Variants in SCP2 observed in about 807,000 individuals in gnomAD.
SCP2 encodes the protein SCP-2/3-oxoacyl-CoA thiolase.
A neutral mutation model predicts 71.4 loss-of-function variants in SCP2; 48 were observed. The ratio of observed to expected loss-of-function variants is 0.67; its 90% confidence interval spans 0.53 to 0.86. The LOEUF (loss-of-function observed/expected upper bound fraction) is 0.86. Ranked by LOEUF, SCP2 falls within the 40% of genes least tolerant of loss-of-function variation. SCP2 has a pLI of 0.00. For missense variants in SCP2, 560 were observed against 655.6 expected (o/e 0.85, Z 1.59); for synonymous variants, 220 against 218.1 (o/e 1.01, Z -0.08).
chr1:53,020,435 A>G (rs1661638940), intron 12 of SCP2, among the ~76,000 whole-genome samples: 1 of 152,046 alleles, frequency 6.6e-6, no homozygotes. Flanking sequence ...GTCACTGGTT[A>G]AAGGTCAAAA....
intron 13 of SCP2, among the ~76,000 whole-genome samples, chr1:53,029,671 G>C (rs1662386571): frequency 6.6e-6 from 1 of 152,150 alleles, no homozygotes; most frequent in Non-Finnish European, 1.5e-5. Context: ...TGGGAATACA[G>C]GTGATATAAC....
intron 12 of SCP2, among the ~76,000 whole-genome samples, chr1:53,026,310 T>C (rs1662127707): frequency 6.6e-6 from 1 of 152,218 alleles, no homozygotes; most frequent in South Asian, 2.1e-4. Flanking sequence ...TTTAGAAATG[T>C]AAATGTATAG....
At chr1:52,963,970 T>C (rs1399734077) in intron 6 of SCP2, among the ~76,000 whole-genome samples, 1 of 152,190 alleles carries the variant, frequency 6.6e-6, no homozygotes, top group Non-Finnish European at 1.5e-5. Flanking sequence ...TTGTTAGCAT[T>C]TATTATAGGT....
intron 3 of SCP2, among the ~76,000 whole-genome samples, chr1:52,949,537 C>T (rs932781723): frequency 2.0e-5 from 3 of 152,190 alleles, no homozygotes; most frequent in African/African-American, 7.2e-5. Context: ...TAACCTGATG[C>T]GTCCACCCTA....
At chr1:52,992,859 A>G (rs1216241594) in intron 11 of SCP2, among the ~76,000 whole-genome samples, 1 of 152,192 alleles carries the variant, frequency 6.6e-6, no homozygotes, top group African/African-American at 2.4e-5. Flanking sequence ...AAATTATTTC[A>G]CAACCTGTAG....
At chr1:53,040,806 A>G (rs905771783) in intron 14 of SCP2, among the ~76,000 whole-genome samples, 1 of 152,094 alleles carries the variant, frequency 6.6e-6, no homozygotes, top group Non-Finnish European at 1.5e-5. Flanking sequence ...TTACCATCTC[A>G]TATACCATGT....
chr1:52,965,782 G>A (rs1470252122), intron 6 of SCP2, among the ~76,000 whole-genome samples: 6 of 151,130 alleles, frequency 4.0e-5, no homozygotes, highest in Non-Finnish European at 7.4e-5. Flanking sequence ...TTACAGGTGC[G>A]CATCACCAAG....
At chr1:52,951,141 G>A (rs1322174590) in intron 4 of SCP2, among the ~76,000 whole-genome samples, 1 of 152,030 alleles carries the variant, frequency 6.6e-6, no homozygotes, top group Non-Finnish European at 1.5e-5. Flanking sequence ...AATTAGCCGG[G>A]TATGGTGGCG....
At chr1:53,034,751 T>C (rs944300420) in intron 13 of SCP2, among the ~76,000 whole-genome samples, 9 of 152,166 alleles carry the variant, frequency 5.9e-5, no homozygotes, top group Admixed American at 1.3e-4. Context: ...ATTATTTGAG[T>C]ATTTCAGGTA....
intron 14 of SCP2, among the ~76,000 whole-genome samples, chr1:53,042,338 TG>T (rs879830527): frequency 6.7e-6 from 1 of 149,594 alleles, no homozygotes; most frequent in African/African-American, 2.6e-5. Flanking sequence ...ATATTAAGGT[TG>T]TTTTTTTTTT....
At chr1:52,970,276 T>A (rs1467006913) in intron 6 of SCP2, among the ~76,000 whole-genome samples, 1 of 152,068 alleles carries the variant, frequency 6.6e-6, no homozygotes, top group African/African-American at 2.4e-5. Flanking sequence ...TAGAATGGGG[T>A]CTTGCAATAC....
At chr1:52,994,846 G>A (rs529227672) in intron 11 of SCP2, 37 of 508,422 alleles carry the variant, frequency 7.3e-5, no homozygotes, top group African/African-American at 7.0e-4. Context: ...TGGGGACAGC[G>A]ACCTGCAGCT....
intron 5 of SCP2, among the ~76,000 whole-genome samples, chr1:52,955,299 T>TTTTGCAGCTACTTTTGCC (rs1655694073): frequency 6.6e-6 from 1 of 152,202 alleles, no homozygotes. Context: ...CTTGAAGATC[T>TTTTGCAGCTACTTTTGCC]TTGCTGATCA....
chr1:52,946,959 G>A (rs927837711), intron 2 of SCP2, among the ~76,000 whole-genome samples: 119 of 151,276 alleles, frequency 7.9e-4, no homozygotes, highest in African/African-American at 2.6e-3. Flanking sequence ...TACTTGGGAG[G>A]CTGAGGCAGG....
intron 10 of SCP2, among the ~76,000 whole-genome samples, chr1:52,983,896 C>T (rs142731647): frequency 3.1e-4 from 47 of 152,248 alleles, no homozygotes; most frequent in Admixed American, 3.9e-4. Flanking sequence ...GGGTGAATGT[C>T]CTATTATATA....
chr1:53,017,489 C>A (rs1176388607), intron 12 of SCP2, among the ~76,000 whole-genome samples: 3 of 152,198 alleles, frequency 2.0e-5, no homozygotes, highest in African/African-American at 7.2e-5. Flanking sequence ...CTTAGTATTA[C>A]ACATTTTAAA....
intron 1 of SCP2, among the ~76,000 whole-genome samples, chr1:52,929,686 G>A (rs980557566): frequency 1.3e-5 from 2 of 152,208 alleles, no homozygotes; most frequent in East Asian, 1.9e-4. Flanking sequence ...GCAGTGGCGC[G>A]ATCTTGGCTC....
chr1:53,035,133 A>T lies in SCP2; in HGVS notation c.1339-3784A>T, dbSNP rs567350977. On this transcript the variant is annotated intron_variant, in intron 13 of 15. Coordinates refer to ENST00000371514, the MANE Select transcript of SCP2 (RefSeq NM_002979.5). ...AGAAAAAAAAAAAAATTAATATGAT[A>T]CCAAAAGGAAGAATTTTGTGTATAA... Among the ~76,000 whole-genome samples, 3 of 152,108 alleles carry T rather than the reference A, an allele frequency of 2.0e-5. No individual in the cohort carries two copies. The South Asian group carries it at 6.2e-4, about 32-fold the overall frequency.
chr1:52,963,880 A>G (rs958731379), intron 6 of SCP2, among the ~76,000 whole-genome samples: 12 of 152,176 alleles, frequency 7.9e-5, no homozygotes, highest in African/African-American at 2.9e-4. Flanking sequence ...TTAATTTTAA[A>G]TAATAAAAAG....
Sources: allele counts gnomAD v4.1 joint callset (sites outside exome capture counted in the v4.1 genomes callset), GRCh38; gene constraint gnomAD v4.1.1; transcripts MANE v1.5; gene names NCBI Gene and HGNC (gene_info 2026-07-23, HGNC 2026-07-21).